Variants in RIMS2 observed in about 807,000 individuals in gnomAD.
RIMS2 encodes regulating synaptic membrane exocytosis 2.
In RIMS2, 59 loss-of-function variants were observed where a neutral mutation model predicts 174.4. The observed-to-expected ratio is 0.34, with a 90% CI of 0.27 to 0.42. RIMS2 has a LOEUF of 0.42. Among genes scored for constraint, RIMS2 ranks in the 10% least tolerant of loss-of-function variants. The probability of loss-of-function intolerance (pLI) is 1.00; values close to 1 mark genes in which losing one functional copy is unlikely to be tolerated. For synonymous variants in RIMS2, 606 were observed against 572.5 expected (o/e 1.06, Z -0.84); for missense variants, 1,620 against 1,666.3 (o/e 0.97, Z 0.48).
At chr8:103,756,600 A>G (rs2098014212) in intron 2 of RIMS2, among the ~76,000 whole-genome samples, 1 of 150,902 alleles carries the variant, frequency 6.6e-6, no homozygotes, top group Non-Finnish European at 1.5e-5. Context: ...TAATTGTTTA[A>G]TTTTTTGTAG....
chr8:103,508,587 C>A (rs1824868785), intron 1 of RIMS2, among the ~76,000 whole-genome samples: 1 of 151,898 alleles, frequency 6.6e-6, no homozygotes, highest in Non-Finnish European at 1.5e-5. Flanking sequence ...AGGTTCAGAG[C>A]CTAAAAAGCC....
chr8:103,756,979 C>CTGTGTG (rs71575983), intron 2 of RIMS2, among the ~76,000 whole-genome samples: 4,116 of 134,936 alleles, frequency 0.031, 89 homozygotes, highest in Non-Finnish European at 0.049. Context: ...GTGTGTGTGT[C>CTGTGTG]TGTGTGTGTG....
intron 3 of RIMS2, among the ~76,000 whole-genome samples, chr8:103,857,401 G>A (rs1245190556): frequency 6.6e-6 from 1 of 151,746 alleles, no homozygotes; most frequent in Non-Finnish European, 1.5e-5. Context: ...GCAGCTATTT[G>A]TTCATATATA....
At chr8:103,765,138 T>C (rs2098155358) in intron 2 of RIMS2, among the ~76,000 whole-genome samples, 1 of 152,204 alleles carries the variant, frequency 6.6e-6, no homozygotes, top group Admixed American at 6.6e-5. Context: ...CCTGGAGAGC[T>C]GTGTAAGAGT....
At chr8:103,577,112 AG>A (rs2093303058) in intron 1 of RIMS2, among the ~76,000 whole-genome samples, 2 of 152,246 alleles carry the variant, frequency 1.3e-5, no homozygotes, top group African/African-American at 4.8e-5. Context: ...TCACAGCAGA[AG>A]GAACTATCAT....
At chr8:103,593,000 C>A (rs535512600) in intron 1 of RIMS2, among the ~76,000 whole-genome samples, 5 of 151,182 alleles carry the variant, frequency 3.3e-5, no homozygotes, top group Non-Finnish European at 1.5e-5. Context: ...TTTCATGGGA[C>A]TCAATTTTTA....
intron 19 of RIMS2, among the ~76,000 whole-genome samples, chr8:104,123,975 C>A (rs576426507): frequency 3.3e-5 from 5 of 152,152 alleles, no homozygotes; most frequent in African/African-American, 1.2e-4. Flanking sequence ...ATAAAGTATG[C>A]CTATATGTGG....
chr8:103,877,053 C>A (rs1446162593), intron 3 of RIMS2, among the ~76,000 whole-genome samples: 1 of 150,820 alleles, frequency 6.6e-6, no homozygotes, highest in African/African-American at 2.4e-5. Flanking sequence ...ATAAGAACTT[C>A]TTTTCCCTTG....
intron 4 of RIMS2, among the ~76,000 whole-genome samples, chr8:103,888,894 T>C (rs2099224428): frequency 6.6e-6 from 1 of 151,604 alleles, no homozygotes. Flanking sequence ...GAGGACAGTT[T>C]CTGCCAACAT....
intron 22 of RIMS2, 88 bp downstream of exon 28, chr8:104,249,676 T>A: frequency 6.8e-6 from 5 of 737,888 alleles, no homozygotes; most frequent in Non-Finnish European, 1.2e-5. Context: ...ACCTTTGATT[T>A]AGTTAATCAA....
chr8:103,575,308 A>G (rs1303927791), intron 1 of RIMS2, among the ~76,000 whole-genome samples: 1 of 152,186 alleles, frequency 6.6e-6, no homozygotes, highest in Non-Finnish European at 1.5e-5. Flanking sequence ...AGGTTATGGA[A>G]CAATTGCTAC....
chr8:104,079,891 C>T (rs1264501723), intron 19 of RIMS2, among the ~76,000 whole-genome samples: 2 of 151,210 alleles, frequency 1.3e-5, no homozygotes, highest in Non-Finnish European at 3.0e-5. Flanking sequence ...TGAACGTGGA[C>T]GTGGATGCTG....
chr8:103,536,808 A>G (rs893496081), intron 1 of RIMS2, among the ~76,000 whole-genome samples: 1 of 152,222 alleles, frequency 6.6e-6, no homozygotes, highest in Non-Finnish European at 1.5e-5. Flanking sequence ...ACTGGGGATC[A>G]CAATTCGATG....
chr8:104,225,137 G>A (rs967457049), intron 19 of RIMS2, among the ~76,000 whole-genome samples: 5 of 151,988 alleles, frequency 3.3e-5, no homozygotes, highest in Non-Finnish European at 5.9e-5. Context: ...TTATTAGTCC[G>A]GCACTGTTCT....
chr8:104,019,136 T>C (rs991270273), intron 19 of RIMS2, among the ~76,000 whole-genome samples: 2 of 152,110 alleles, frequency 1.3e-5, no homozygotes, highest in African/African-American at 2.4e-5. Flanking sequence ...AGGCAGAGGT[T>C]GCAGTGAGCC....
At chr8:103,960,084 T>G (rs1258663551) in intron 14 of RIMS2, among the ~76,000 whole-genome samples, 2 of 152,164 alleles carry the variant, frequency 1.3e-5, no homozygotes, top group Non-Finnish European at 2.9e-5. Flanking sequence ...TTTTAAAAGA[T>G]CGACAAAATT....
At chr8:103,599,274 A>G (rs1411779585) in intron 1 of RIMS2, among the ~76,000 whole-genome samples, 1 of 151,344 alleles carries the variant, frequency 6.6e-6, no homozygotes, top group Non-Finnish European at 1.5e-5. Context: ...CGTTTTTACA[A>G]GTGGGGAAAT....
chr8:103,919,374 A>G (rs1399253691), intron 9 of RIMS2, among the ~76,000 whole-genome samples: 1 of 152,122 alleles, frequency 6.6e-6, no homozygotes, highest in Non-Finnish European at 1.5e-5. Context: ...AATGGTATGA[A>G]TGAGGACAGA....
At chr8:103,729,250 T>C (rs1181066172) in intron 2 of RIMS2, among the ~76,000 whole-genome samples, 1 of 152,136 alleles carries the variant, frequency 6.6e-6, no homozygotes, top group African/African-American at 2.4e-5. Flanking sequence ...TTTGATCTCA[T>C]TACTTGTTCT....
Sources: gnomAD v4.1 joint callset for allele counts (sites outside exome capture counted in the v4.1 genomes callset) on GRCh38, gnomAD v4.1.1 for gene constraint, MANE v1.5 for transcripts, NCBI Gene and HGNC (gene_info 2026-07-23, HGNC 2026-07-21) for gene names.